KCND3: variants seen among roughly 807,000 people sequenced by gnomAD.
KCND3 encodes the protein A-type voltage-gated potassium channel KCND3.
Under a neutral mutation model 51.1 loss-of-function variants are expected in KCND3, and 9 were observed. The observed-to-expected ratio is 0.18, with a 90% CI of 0.11 to 0.31. The LOEUF is 0.31. Ranked by LOEUF, KCND3 falls within the 10% of genes least tolerant of loss-of-function variation. KCND3 has a pLI of 1.00. For synonymous variants in KCND3, 349 were observed against 368.0 expected (o/e 0.95, Z 0.59); for missense variants, 526 against 903.8 (o/e 0.58, Z 5.36).
intron 2 of KCND3, among the ~76,000 whole-genome samples, chr1:111,968,347 G>A (rs898025095): frequency 1.3e-5 from 2 of 152,094 alleles, no homozygotes; most frequent in East Asian, 1.9e-4. Flanking sequence ...AGAGAAATGG[G>A]CCACAGAAGA....
intron 2 of KCND3, among the ~76,000 whole-genome samples, chr1:111,971,652 T>C (rs1006708554): frequency 1.3e-5 from 2 of 152,182 alleles, no homozygotes; most frequent in Admixed American, 1.3e-4. Flanking sequence ...CAGACCCATC[T>C]TTCCACCTGT....
intron 2 of KCND3, among the ~76,000 whole-genome samples, chr1:111,896,654 T>G (rs908416997): frequency 2.0e-5 from 3 of 152,168 alleles, no homozygotes; most frequent in Non-Finnish European, 4.4e-5. Context: ...AGCAATAGGT[T>G]CAAATGAGCA....
At chr1:111,787,521 G>A (rs1289881366) in intron 2 of KCND3, among the ~76,000 whole-genome samples, 1 of 152,164 alleles carries the variant, frequency 6.6e-6, no homozygotes, top group East Asian at 1.9e-4. Context: ...GAAACAGCAA[G>A]TACAGAGGCC....
chr1:111,966,298 C>T (rs889672338), intron 2 of KCND3, among the ~76,000 whole-genome samples: 1 of 152,146 alleles, frequency 6.6e-6, no homozygotes, highest in Non-Finnish European at 1.5e-5. Context: ...TTGCAGGGAA[C>T]TCATGTAATA....
chr1:111,988,198 T>C (rs1451489122), intron 1 of KCND3, among the ~76,000 whole-genome samples: 1 of 152,112 alleles, frequency 6.6e-6, no homozygotes, highest in Non-Finnish European at 1.5e-5. Context: ...CAGAGGAAGG[T>C]GCCCATGACC....
chr1:111,812,257 C>T (rs12125862), intron 2 of KCND3, among the ~76,000 whole-genome samples: 4,492 of 152,342 alleles, frequency 0.029, 89 homozygotes, highest in Admixed American at 0.051. Context: ...CTGGTTTTCA[C>T]ACCCTCAGGG....
chr1:111,779,486 C>T (rs1017965093), intron 5 of KCND3, among the ~76,000 whole-genome samples: 2 of 152,124 alleles, frequency 1.3e-5, no homozygotes, highest in South Asian at 4.1e-4. Context: ...TTTGTTTCTC[C>T]TTGGCTTTTC....
chr1:111,893,816 C>A (rs1163295206), intron 2 of KCND3, among the ~76,000 whole-genome samples: 1 of 152,166 alleles, frequency 6.6e-6, no homozygotes, highest in Non-Finnish European at 1.5e-5. Flanking sequence ...GGTATTGACA[C>A]TGACATGGGG....
chr1:111,774,089 T>G lies in KCND3; in HGVS notation c.*1988A>C, dbSNP rs1471992740. The G allele has an allele frequency of 2.0e-5, 3 of 152,178 alleles. No individual in the cohort carries two copies. Among genetic ancestry groups the G allele is most frequent in the Non-Finnish European group, 2.9e-5 (2 of 68,060 alleles). The allele number at this position is 152,178 out of a possible 1,614,324, so 9.4% of individuals were successfully genotyped here. A position where few individuals can be genotyped will look rare whatever the true frequency, so the allele number is the denominator to read the frequency against. On this transcript the variant is annotated 3_prime_UTR_variant, in exon 8 of 8. Coordinates refer to ENST00000302127, the MANE Select transcript of KCND3 (RefSeq NM_001378969.1). The stretch of plus-strand genomic sequence containing the variant: ...GTCAATGAGGATAAGCATAAAGAGA[T>G]AAAGACAGAAAGAAGGCTCCCTCTC...
At chr1:111,952,113 T>A (rs144946183) in intron 2 of KCND3, among the ~76,000 whole-genome samples, 1 of 152,312 alleles carries the variant, frequency 6.6e-6, no homozygotes, top group African/African-American at 2.4e-5. Context: ...TGTGGTTTGG[T>A]CCATTAACAG....
chr1:111,939,592 A>G (rs1672394183), intron 2 of KCND3, among the ~76,000 whole-genome samples: 1 of 152,148 alleles, frequency 6.6e-6, no homozygotes, highest in Admixed American at 6.5e-5. Context: ...TCCATGGTGT[A>G]TATGTGCCAC....
intron 2 of KCND3, among the ~76,000 whole-genome samples, chr1:111,890,456 T>C (rs1239498185): frequency 6.6e-6 from 1 of 152,138 alleles, no homozygotes; most frequent in African/African-American, 2.4e-5. Flanking sequence ...GCCAGGCAGC[T>C]GGCAAGAGAA....
In KCND3 at chr1:111,775,822, C is replaced by CA; in HGVS notation, c.*254_*255insT. On this transcript the variant is annotated 3_prime_UTR_variant, in exon 8 of 8. Transcript: ENST00000302127. Reference sequence around the variant, plus strand: ...TATATCCCCCGGCCTATCCCCGACCCCCCCACCCTCCCTCCCTTCCTCTGG... The same window carrying CA: ...TATATCCCCCGGCCTATCCCCGACCCACCCCACCCTCCCTCCCTTCCTCTGG... 1 of 145,584 alleles carries CA rather than the reference C, an allele frequency of 6.9e-6. No homozygotes were observed. The highest frequency in any genetic ancestry group is 1.5e-5 in the Non-Finnish European group (1 of 67,648). The allele number at this position is 145,584 out of a possible 1,614,324, so 9.0% of individuals were successfully genotyped here.
At chr1:111,970,145 T>C (rs1674248405) in intron 2 of KCND3, among the ~76,000 whole-genome samples, 1 of 152,016 alleles carries the variant, frequency 6.6e-6, no homozygotes, top group South Asian at 2.1e-4. Flanking sequence ...GCCTGCTGAG[T>C]AGCTGGGATT....
intron 2 of KCND3, among the ~76,000 whole-genome samples, chr1:111,968,943 C>T (rs1011232797): frequency 3.3e-5 from 5 of 152,004 alleles, no homozygotes; most frequent in South Asian, 4.2e-4. Flanking sequence ...GAGCAGGAGA[C>T]GGCATGAGAT....
rs371158725 is a variant in KCND3 at position 111,982,759 on chromosome 1, G to C, written c.-33C>G. On this transcript the variant is annotated 5_prime_UTR_variant, in exon 2 of 8. Transcript: ENST00000302127. This position sits in a 1 kb window ranked among gnomAD's most constrained non-coding sequence, Gnocchi z 8.5. ...CCAGCTCTTGGGCCGGCAGCCGCGC[G>C]GACGCTAGGCACACCAGCTTGGAGT... 18 of 1,582,378 alleles carry C rather than the reference G, an allele frequency of 1.1e-5. No individual in the cohort carries two copies. The East Asian group carries it at 1.8e-4, about 16-fold the overall frequency.
chr1:111,833,174 C>G (rs980838696), intron 2 of KCND3, among the ~76,000 whole-genome samples: 4 of 152,272 alleles, frequency 2.6e-5, no homozygotes, highest in Non-Finnish European at 5.9e-5. Flanking sequence ...CCACTTGACA[C>G]TATGTCTGAT....
intron 2 of KCND3, among the ~76,000 whole-genome samples, chr1:111,973,367 G>T: frequency 6.6e-6 from 1 of 152,230 alleles, no homozygotes; most frequent in East Asian, 1.9e-4. Context: ...ACTGCAAAGG[G>T]TAGAGATTTC....
At chr1:111,870,826 T>C (rs1014291586) in intron 2 of KCND3, among the ~76,000 whole-genome samples, 1 of 152,220 alleles carries the variant, frequency 6.6e-6, no homozygotes, top group African/African-American at 2.4e-5. Flanking sequence ...GCAAAGCATA[T>C]GTGGGATGGA....
Sources: gnomAD v4.1 joint callset for allele counts (sites outside exome capture counted in the v4.1 genomes callset) on GRCh38, gnomAD v4.1.1 for gene constraint, Gnocchi (gnomAD v3.1) non-coding constraint, MANE v1.5 for transcripts, NCBI Gene and HGNC (gene_info 2026-07-23, HGNC 2026-07-21) for gene names.